TSHZ2: variants seen among roughly 807,000 people sequenced by gnomAD.
TSHZ2 encodes teashirt zinc finger homeobox 2.
Under a neutral mutation model 74.4 loss-of-function variants are expected in TSHZ2, and 21 were observed. The ratio of observed to expected loss-of-function variants is 0.28; its 90% CI spans 0.20 to 0.41. The LOEUF (loss-of-function observed/expected upper bound fraction) is 0.41. TSHZ2 is among the 10% of genes least tolerant of loss of function. TSHZ2 has a pLI of 1.00. For missense variants in TSHZ2, 1,244 were observed against 1,293.5 expected, an observed-to-expected ratio of 0.96 and a Z score of 0.59; for synonymous variants, 540 against 515.3, an observed-to-expected ratio of 1.05 and a Z score of -0.65.
intron 1 of TSHZ2, among the ~76,000 whole-genome samples, chr20:53,177,032 T>C (rs1439193902): frequency 1.1e-4 from 17 of 152,064 alleles, no homozygotes. Flanking sequence ...ATTGTAGAAA[T>C]TATATTGTAG....
At chr20:53,185,202 G>A (rs1988571711) in intron 1 of TSHZ2, 1 of 987,424 alleles carries the variant, frequency 1.0e-6, no homozygotes, top group Admixed American at 6.0e-5. Flanking sequence ...GAATTTGTCT[G>A]GGAGCTTTTT....
At chr20:53,392,596 G>A (rs1202921648) in intron 2 of TSHZ2, among the ~76,000 whole-genome samples, 1 of 152,192 alleles carries the variant, frequency 6.6e-6, no homozygotes, top group African/African-American at 2.4e-5. Flanking sequence ...AAAAAGAGTA[G>A]GAGGAAATAT....
intron 2 of TSHZ2, among the ~76,000 whole-genome samples, chr20:53,350,188 T>G (rs902305346): frequency 1.3e-5 from 2 of 152,248 alleles, no homozygotes; most frequent in Admixed American, 1.3e-4. Context: ...AGTCACATAT[T>G]CACTGGTTCT....
At chr20:53,426,427 T>A (rs1042889917) in intron 2 of TSHZ2, among the ~76,000 whole-genome samples, 1 of 152,208 alleles carries the variant, frequency 6.6e-6, no homozygotes, top group African/African-American at 2.4e-5. Context: ...CTATGGCTTA[T>A]GTTTTTACAG....
chr20:53,244,598 A>G (rs376846630), intron 1 of TSHZ2, among the ~76,000 whole-genome samples: 9 of 152,280 alleles, frequency 5.9e-5, no homozygotes, highest in Admixed American at 4.6e-4. Context: ...CGCAATAATA[A>G]TATACGCTGG....
chr20:53,343,725 A>T (rs571857375), intron 2 of TSHZ2, among the ~76,000 whole-genome samples: 1 of 152,162 alleles, frequency 6.6e-6, no homozygotes, highest in Admixed American at 6.5e-5. Context: ...CCCATCCAGT[A>T]GCTCTCGCCA....
intron 2 of TSHZ2, among the ~76,000 whole-genome samples, chr20:53,317,190 G>A (rs1979060164): frequency 6.6e-6 from 1 of 152,154 alleles, no homozygotes; most frequent in Non-Finnish European, 1.5e-5. Flanking sequence ...TGTAGTCCAG[G>A]CCACAGGACC....
chr20:53,478,316 G>A (rs1600670812), intron 2 of TSHZ2, among the ~76,000 whole-genome samples: 1 of 151,614 alleles, frequency 6.6e-6, no homozygotes, highest in Admixed American at 6.6e-5. Context: ...TATACACCAT[G>A]GAATACTATG....
intron 2 of TSHZ2, among the ~76,000 whole-genome samples, chr20:53,348,558 C>CA (rs397695052): frequency 4.6e-5 from 7 of 151,570 alleles, no homozygotes; most frequent in South Asian, 2.1e-4. Context: ...TAGACCCCCC[C>CA]AAAAGAAACA....
chr20:53,330,001 A>G (rs1244751832), intron 2 of TSHZ2, among the ~76,000 whole-genome samples: 1 of 152,232 alleles, frequency 6.6e-6, no homozygotes, highest in Non-Finnish European at 1.5e-5. Flanking sequence ...GAACACAGCC[A>G]TGTCCATTTG....
chr20:53,040,461 G>A (rs1983997497), intron 1 of TSHZ2, among the ~76,000 whole-genome samples: 1 of 152,128 alleles, frequency 6.6e-6, no homozygotes, highest in Non-Finnish European at 1.5e-5. Context: ...AGGGTTTTGA[G>A]CCAAGGGGTG....
chr20:53,304,013 C>T (rs182901068), intron 2 of TSHZ2, among the ~76,000 whole-genome samples: 5 of 152,132 alleles, frequency 3.3e-5, no homozygotes, highest in Admixed American at 2.0e-4. Context: ...AACCTTCACA[C>T]ATCATTCAAA....
At chr20:53,252,166 T>C (rs1320777404) in intron 1 of TSHZ2, among the ~76,000 whole-genome samples, 1 of 152,264 alleles carries the variant, frequency 6.6e-6, no homozygotes, top group Non-Finnish European at 1.5e-5. Context: ...CGGCAGCCTT[T>C]GGAGTTGCTG....
chr20:53,358,560 G>T (rs1189828967), intron 2 of TSHZ2, among the ~76,000 whole-genome samples: 1 of 151,756 alleles, frequency 6.6e-6, no homozygotes, highest in Non-Finnish European at 1.5e-5. Flanking sequence ...GGCCAGGCTG[G>T]TCTCGATCTC....
chr20:53,417,241 G>GACACACACAC (rs56822266), intron 2 of TSHZ2, among the ~76,000 whole-genome samples: 20 of 138,122 alleles, frequency 1.4e-4, no homozygotes, highest in African/African-American at 4.2e-4. Context: ...GACACACACA[G>GACACACACAC]ACACACACAC....
At chr20:53,252,919 C>T (rs980951688) in intron 1 of TSHZ2, among the ~76,000 whole-genome samples, 1 of 152,162 alleles carries the variant, frequency 6.6e-6, no homozygotes, top group South Asian at 2.1e-4. Flanking sequence ...TCTCTTCCTG[C>T]TGTGTGATTC....
chr20:53,292,096 C>CT (rs1991289807), intron 2 of TSHZ2, among the ~76,000 whole-genome samples: 1 of 151,822 alleles, frequency 6.6e-6, no homozygotes, highest in South Asian at 2.1e-4. Context: ...AGTGTCTGGC[C>CT]TATGATGGGG....
chr20:53,100,476 T>A (rs1357083688), intron 1 of TSHZ2, among the ~76,000 whole-genome samples: 1 of 152,198 alleles, frequency 6.6e-6, no homozygotes, highest in Non-Finnish European at 1.5e-5. Context: ...GTCACTTTAA[T>A]GTTGGGAAAT....
chr20:53,241,926 A>G (rs1267043616), intron 1 of TSHZ2, among the ~76,000 whole-genome samples: 1 of 152,020 alleles, frequency 6.6e-6, no homozygotes, highest in Non-Finnish European at 1.5e-5. Flanking sequence ...TGGTACACAC[A>G]CTTTCTCCTC....
Sources: gnomAD v4.1 joint callset for allele counts (sites outside exome capture counted in the v4.1 genomes callset) on GRCh38, gnomAD v4.1.1 for gene constraint, MANE v1.5 for transcripts, NCBI Gene and HGNC (gene_info 2026-07-23, HGNC 2026-07-21) for gene names.